The following PCDHGB1 variants were observed in gnomAD, a reference collection of about 807,000 sequenced individuals.
The protein encoded by PCDHGB1 is protocadherin gamma-B1.
In PCDHGB1, 34 loss-of-function variants were observed where a neutral mutation model predicts 56.6. That is an observed-to-expected ratio of 0.60 (90% CI 0.46 to 0.80). The LOEUF is 0.80. PCDHGB1 is among the 30% of genes least tolerant of loss of function. The pLI is 0.00. For synonymous variants in PCDHGB1, 561 were observed against 505.9 expected (o/e 1.11, Z -1.46); for missense variants, 1,278 against 1,204.6 (o/e 1.06, Z -0.90).
At chr5:141,433,034 C>G (rs1357694242) in intron 1 of PCDHGB1, 2 of 1,614,184 alleles carry the variant, frequency 1.2e-6, no homozygotes, top group Non-Finnish European at 1.7e-6. Flanking sequence ...CGAGGTTTCC[C>G]TCACCACGGA....
chr5:141,366,736 A>G (rs1165089619), intron 1 of PCDHGB1: 6 of 1,612,430 alleles, frequency 3.7e-6, no homozygotes, highest in Admixed American at 1.7e-5. Context: ...CAAACAAAGA[A>G]GAACGGCGAG....
At chr5:141,393,479 C>A (rs375589587) in intron 1 of PCDHGB1, 1 of 1,613,940 alleles carries the variant, frequency 6.2e-7, no homozygotes, top group Non-Finnish European at 8.5e-7. Flanking sequence ...AGCCGCCTCG[C>A]TCTAGCACAG....
Position 141,352,035 on chromosome 5 carries a change from C to G in PCDHGB1, c.1775C>G (p.Ala592Gly). 6.2e-7 allele frequency: 1 copy of G among 1,608,896 alleles called. No homozygotes were observed. Among genetic ancestry groups the G allele is most frequent in the Non-Finnish European group, 8.5e-7 (1 of 1,178,992 alleles). Residue 592 changes from alanine (A) to glycine (G), a missense_variant, in exon 1 of 4, where the codon GCA (alanine) becomes GGA (glycine). Physicochemically the swap from Ala to Gly is moderately conservative, Grantham distance 60. Coordinates refer to ENST00000523390, the MANE Select transcript of PCDHGB1 (RefSeq NM_018922.3). ...GTGACCAAGGTGGTGGCGGTGGACG[C>G]AGACTCAGGACACAACGCTTGGCTG... ...YLVTKVVAVD[A>G]DSGHNAWLSY...
Position 141,485,256 on chromosome 5 carries a change from G to A in PCDHGB1, c.2410-9551G>A, listed in dbSNP as rs770176450. The A allele has an allele frequency of 6.2e-7, 1 of 1,614,186 alleles. No homozygotes were observed. Among genetic ancestry groups the A allele is most frequent in the Non-Finnish European group, 8.5e-7 (1 of 1,179,996 alleles). On this transcript the variant is annotated intron_variant, in intron 1 of 3. Transcript: ENST00000523390. The surrounding 1 kb of genome is among the most constrained non-coding windows in gnomAD (Gnocchi z 5.7). ...CTCTTTTACCACCTGGGTTACGTTTGTGGGCAGATCCGCTACCCGGTCCCA... is the reference window on the plus strand; with the variant it reads ...CTCTTTTACCACCTGGGTTACGTTTATGGGCAGATCCGCTACCCGGTCCCA...
chr5:141,403,969 T>C (rs1437416293), intron 1 of PCDHGB1: 2 of 1,613,808 alleles, frequency 1.2e-6, no homozygotes, highest in Non-Finnish European at 1.7e-6. Context: ...CGGTGGAAGA[T>C]GTAAATGACA....
intron 1 of PCDHGB1, chr5:141,382,981 GC>G (rs1247248869): frequency 6.2e-7 from 1 of 1,612,206 alleles, no homozygotes; most frequent in African/African-American, 1.3e-5. Flanking sequence ...GGAAGCCTGG[GC>G]AGGACGTATT....
rs199658498 is a variant in PCDHGB1 at position 141,394,428 on chromosome 5, G to C, written c.2409+41759G>C. 4 of 1,614,114 alleles carry C rather than the reference G, an allele frequency of 2.5e-6. No individual in the cohort carries two copies. In the East Asian group the frequency reaches 6.7e-5, roughly 27 times the overall value. ...ACTGGTAACAGCCAGCGACAGCGGGGACCCGCCCCTCAGCAGCAACATGTC... is the reference window on the plus strand; with the variant it reads ...ACTGGTAACAGCCAGCGACAGCGGGCACCCGCCCCTCAGCAGCAACATGTC... On this transcript the variant is annotated intron_variant, in intron 1 of 3. Coordinates refer to ENST00000523390, the MANE Select transcript of PCDHGB1 (RefSeq NM_018922.3).
chr5:141,472,095 C>T (rs1186697747), intron 1 of PCDHGB1, among the ~76,000 whole-genome samples: 1 of 151,998 alleles, frequency 6.6e-6, no homozygotes, highest in African/African-American at 2.4e-5. Flanking sequence ...TATTATTATT[C>T]CCATTTTATA....
chr5:141,356,522 A>C, intron 1 of PCDHGB1: 1 of 1,613,734 alleles, frequency 6.2e-7, no homozygotes, highest in Non-Finnish European at 8.5e-7. Flanking sequence ...ATTTCACTGC[A>C]AGTGATGGAC....
chr5:141,403,044 T>C lies in PCDHGB1; in HGVS notation c.2409+50375T>C, dbSNP rs914251787. 7 of 1,613,960 alleles carry C rather than the reference T, an allele frequency of 4.3e-6. No individual in the cohort carries two copies. The Admixed American group carries it at 8.3e-5, about 19-fold the overall frequency. ...CTATGGGAGGCCAGGGCCAGTCAGA[T>C]TCGCTACTCAGTGCCTGAAGAGACA... is the stretch of plus-strand genomic sequence containing the variant. On this transcript the variant is annotated intron_variant, in intron 1 of 3. Transcript: ENST00000523390.
chr5:141,492,616 G>C (rs976681246), intron 1 of PCDHGB1, among the ~76,000 whole-genome samples: 2 of 152,252 alleles, frequency 1.3e-5, no homozygotes, highest in African/African-American at 4.8e-5. Context: ...CTAAGTGCCG[G>C]GCGGGCAGGA....
At chr5:141,371,340 A>G in intron 1 of PCDHGB1, 2 of 1,613,980 alleles carry the variant, frequency 1.2e-6, no homozygotes, top group Non-Finnish European at 1.7e-6. Flanking sequence ...AGATAGCTAC[A>G]CAATTGGGGT....
At position 141,485,841 on chromosome 5, in the gene PCDHGB1, C is replaced by G. The variant is rs969476505; in HGVS notation, c.2410-8966C>G. On this transcript the variant is annotated intron_variant, in intron 1 of 3. Transcript: ENST00000523390. This position sits in a 1 kb window ranked among gnomAD's most constrained non-coding sequence, Gnocchi z 5.7. Reference sequence around the variant, plus strand: ...GTCGATGGAGGGAACCCGCCGAGATCTGGCACCGCAGAGCTCCGGGTATCC... The same window carrying G: ...GTCGATGGAGGGAACCCGCCGAGATGTGGCACCGCAGAGCTCCGGGTATCC... 29 of 1,614,104 alleles carry G rather than the reference C, an allele frequency of 1.8e-5. No individual in the cohort carries two copies. The highest frequency in any genetic ancestry group is 2.2e-5 in the South Asian group (2 of 91,080).
At chr5:141,399,066 G>C (rs770799351) in intron 1 of PCDHGB1, 5 of 1,613,726 alleles carry the variant, frequency 3.1e-6, no homozygotes, top group South Asian at 2.2e-5. Context: ...AATATTCAAT[G>C]GTTGTAGAAG....
intron 1 of PCDHGB1, chr5:141,390,457 G>T: frequency 1.3e-6 from 1 of 767,062 alleles, no homozygotes; most frequent in South Asian, 1.9e-5. Flanking sequence ...GAGTAAAGTA[G>T]GAGCAATTGT....
chr5:141,415,740 G>GTTTTTTTTTTTTTTTTTT (rs57426385), intron 1 of PCDHGB1: 15 of 625,028 alleles, frequency 2.4e-5, no homozygotes, highest in African/African-American at 7.5e-5. Flanking sequence ...GTTTATTAAG[G>GTTTTTTTTTTTTTTTTTT]TTTTTTTTTT....
intron 3 of PCDHGB1, among the ~76,000 whole-genome samples, chr5:141,506,700 G>GT (rs1446452157): frequency 2.0e-5 from 3 of 152,138 alleles, no homozygotes; most frequent in Admixed American, 1.3e-4. Context: ...ACCCAAACCC[G>GT]TTTTTTACTG....
rs1048686904 is a variant in PCDHGB1, at chr5:141,410,286, C to T, written c.2409+57617C>T. 3.7e-6 allele frequency: 6 copies of T among 1,613,916 alleles called. No homozygotes were observed. The African/African-American group carries it at 6.7e-5, about 18-fold the overall frequency. On this transcript the variant is annotated intron_variant, in intron 1 of 3. Transcript: ENST00000523390. Reference sequence around the variant, plus strand: ...GAACTGCAGTTTTACCTGGTGGTGGCCTTGGCCTTAATCTCAGTGCTCTTC... The same window carrying T: ...GAACTGCAGTTTTACCTGGTGGTGGTCTTGGCCTTAATCTCAGTGCTCTTC...
chr5:141,426,971 G>A, intron 1 of PCDHGB1: 1 of 456,732 alleles, frequency 2.2e-6, no homozygotes, highest in South Asian at 1.5e-5. Context: ...TTCAAATTGA[G>A]GTCACTGATG....
Sources: allele counts gnomAD v4.1 joint callset (sites outside exome capture counted in the v4.1 genomes callset), GRCh38; gene constraint gnomAD v4.1.1; non-coding constraint Gnocchi (gnomAD v3.1); transcripts MANE v1.5; gene names NCBI Gene and HGNC (gene_info 2026-07-23, HGNC 2026-07-21).